The following SLC4A10 variants were observed in gnomAD, a reference collection of about 807,000 sequenced individuals.
SLC4A10 encodes the protein solute carrier family 4 member 10.
A neutral mutation model predicts 137.7 loss-of-function variants in SLC4A10; 42 were observed. The ratio of observed to expected loss-of-function variants is 0.30; its 90% confidence interval spans 0.24 to 0.39. The LOEUF (loss-of-function observed/expected upper bound fraction) is 0.39, where lower values mean the gene tolerates loss of function less well. Ranked by LOEUF, SLC4A10 falls within the 10% of genes least tolerant of loss-of-function variation. The pLI is 1.00. For missense variants in SLC4A10, 925 were observed against 1,355.0 expected (o/e 0.68, Z 4.98); for synonymous variants, 474 against 464.1 (o/e 1.02, Z -0.27).
intron 15 of SLC4A10, among the ~76,000 whole-genome samples, chr2:161,920,357 G>A (rs912491975): frequency 4.6e-5 from 7 of 152,086 alleles, no homozygotes; most frequent in African/African-American, 1.7e-4. Context: ...CCTTGGGTAA[G>A]TCCCTAAGAA....
At chr2:161,749,039 A>G (rs1439787324) in intron 1 of SLC4A10, among the ~76,000 whole-genome samples, 2 of 151,884 alleles carry the variant, frequency 1.3e-5, no homozygotes, top group African/African-American at 4.8e-5. Context: ...TTTTGATGCT[A>G]TTGTAAATGA....
intron 21 of SLC4A10, among the ~76,000 whole-genome samples, chr2:161,959,626 G>T (rs1696281001): frequency 6.6e-6 from 1 of 152,204 alleles, no homozygotes; most frequent in Admixed American, 6.5e-5. Context: ...GAGAGAGATA[G>T]AGGAGAAAGG....
intron 1 of SLC4A10, among the ~76,000 whole-genome samples, chr2:161,686,748 G>A (rs946527205): frequency 6.6e-6 from 1 of 152,086 alleles, no homozygotes; most frequent in Non-Finnish European, 1.5e-5. Flanking sequence ...TTTTTTAATT[G>A]TTTATTTATT....
rs181156336 is a variant in SLC4A10, at chr2:161,808,445, C to T, written c.277+3850C>T. Reference sequence around the variant, plus strand: ...TCTTTCACTTCTTTTACTTTGGATTCGGGGGCATGTGTGCAGGTTTGTTAC... The same window carrying T: ...TCTTTCACTTCTTTTACTTTGGATTTGGGGGCATGTGTGCAGGTTTGTTAC... On this transcript the variant is annotated intron_variant, in intron 3 of 26. Transcript: ENST00000446997. Among the ~76,000 whole-genome samples, 7 of 152,052 alleles carry T rather than the reference C, an allele frequency of 4.6e-5. No individual in the cohort carries two copies. The East Asian group carries it at 9.7e-4, about 21-fold the overall frequency.
chr2:161,647,504 A>G (rs2036219112), intron 1 of SLC4A10, among the ~76,000 whole-genome samples: 1 of 152,072 alleles, frequency 6.6e-6, no homozygotes, highest in Non-Finnish European at 1.5e-5. Flanking sequence ...AATAATTTAT[A>G]TATTAAAGTA....
chr2:161,818,126 T>G (rs1182761615), intron 3 of SLC4A10, among the ~76,000 whole-genome samples: 1 of 152,170 alleles, frequency 6.6e-6, no homozygotes, highest in African/African-American at 2.4e-5. Flanking sequence ...GGAATGTTCT[T>G]CCATTTGTTT....
intron 1 of SLC4A10, among the ~76,000 whole-genome samples, chr2:161,687,492 T>A (rs1179770241): frequency 1.3e-5 from 2 of 152,224 alleles, no homozygotes; most frequent in Non-Finnish European, 2.9e-5. Flanking sequence ...TGTTTTTCAT[T>A]TTAATTGACA....
chr2:161,683,732 C>T lies in SLC4A10; in HGVS notation c.48+59166C>T, dbSNP rs2041106787. Among the ~76,000 whole-genome samples the T allele has an allele frequency of 2.0e-5, 3 of 152,058 alleles. No individual in the cohort carries two copies. The South Asian group carries it at 6.2e-4, about 32-fold the overall frequency. ...TAATATTTGACTTATAAGTTATAAG[C>T]ATTTTTGTTAAATGTTATCATTTTG... is the stretch of plus-strand genomic sequence containing the variant. On this transcript the variant is annotated intron_variant, in intron 1 of 26. Coordinates refer to ENST00000446997, the MANE Select transcript of SLC4A10 (RefSeq NM_001178015.2).
At chr2:161,798,992 A>G (rs954337891) in intron 2 of SLC4A10, among the ~76,000 whole-genome samples, 3 of 150,964 alleles carry the variant, frequency 2.0e-5, no homozygotes, top group Non-Finnish European at 4.4e-5. Flanking sequence ...AACTGCAGAT[A>G]AACTCTGAAT....
At chr2:161,872,486 G>T in intron 7 of SLC4A10, 102 bp downstream of exon 7, 110 of 699,904 alleles carry the variant, frequency 1.6e-4, no homozygotes, top group Middle Eastern at 5.7e-4. Flanking sequence ...TGCGCTTTTT[G>T]TTTCTTGTCA....
intron 1 of SLC4A10, among the ~76,000 whole-genome samples, chr2:161,662,018 T>C (rs963645994): frequency 3.9e-5 from 6 of 152,158 alleles, no homozygotes; most frequent in African/African-American, 1.2e-4. Flanking sequence ...TACTCATTAA[T>C]AGTTAAAATG....
chr2:161,943,371 C>T lies in SLC4A10; in HGVS notation c.2103+474C>T, dbSNP rs1339887110. On this transcript the variant is annotated intron_variant, in intron 16 of 26. Transcript: ENST00000446997. ...CACTTTTCTTCACAAAATTCTGGCACCTCCCTCAACAAGATCTTTCTTTTT... is the reference window on the plus strand; with the variant it reads ...CACTTTTCTTCACAAAATTCTGGCATCTCCCTCAACAAGATCTTTCTTTTT... Among the ~76,000 whole-genome samples, 3 of 151,636 alleles carry T rather than the reference C, an allele frequency of 2.0e-5. No homozygotes were observed. In the Admixed American group the frequency reaches 2.0e-4, roughly 10 times the overall value.
intron 1 of SLC4A10, among the ~76,000 whole-genome samples, chr2:161,706,092 T>A (rs1004380174): frequency 6.6e-6 from 1 of 151,576 alleles, no homozygotes; most frequent in Non-Finnish European, 1.5e-5. Flanking sequence ...AGATGTTAAG[T>A]AATTTTTTGG....
intron 23 of SLC4A10, among the ~76,000 whole-genome samples, chr2:161,971,368 C>T (rs1037759574): frequency 1.8e-4 from 27 of 152,268 alleles, no homozygotes; most frequent in African/African-American, 5.5e-4. Flanking sequence ...ATAGCATAAA[C>T]GTCCCTCTAG....
At chr2:161,688,948 G>A (rs1434831764) in intron 1 of SLC4A10, among the ~76,000 whole-genome samples, 3 of 152,042 alleles carry the variant, frequency 2.0e-5, no homozygotes. Flanking sequence ...CTAGGCTAAT[G>A]TGTGTGTTTG....
intron 1 of SLC4A10, among the ~76,000 whole-genome samples, chr2:161,684,515 G>A (rs182785613): frequency 2.6e-5 from 4 of 152,240 alleles, no homozygotes; most frequent in Admixed American, 1.3e-4. Context: ...CTTGAGCAAG[G>A]ACTTGAGAGA....
At chr2:161,747,925 G>A (rs2048549523) in intron 1 of SLC4A10, among the ~76,000 whole-genome samples, 1 of 151,996 alleles carries the variant, frequency 6.6e-6, no homozygotes, top group South Asian at 2.1e-4. Context: ...AGTGTACAAG[G>A]CTTCTCTTTT....
intron 8 of SLC4A10, among the ~76,000 whole-genome samples, chr2:161,875,020 T>C (rs1277184199): frequency 6.6e-6 from 1 of 152,194 alleles, no homozygotes; most frequent in Non-Finnish European, 1.5e-5. Flanking sequence ...TGTTTTGGTC[T>C]CCACTGGGTC....
chr2:161,653,556 G>T (rs565498880), intron 1 of SLC4A10, among the ~76,000 whole-genome samples: 2 of 152,134 alleles, frequency 1.3e-5, no homozygotes, highest in East Asian at 3.8e-4. Flanking sequence ...GCATGAGATG[G>T]TATTTCATTG....
Sources: allele counts gnomAD v4.1 joint callset (sites outside exome capture counted in the v4.1 genomes callset), GRCh38; gene constraint gnomAD v4.1.1; transcripts MANE v1.5; gene names NCBI Gene and HGNC (gene_info 2026-07-23, HGNC 2026-07-21).